ZNF568: variants seen among roughly 807,000 people sequenced by gnomAD.
ZNF568 encodes zinc finger protein 568.
Under a neutral mutation model 18.1 loss-of-function variants are expected in ZNF568, and 11 were observed. That is an observed-to-expected ratio of 0.61 (90% CI 0.38 to 1.00). The LOEUF is 1.00. ZNF568 is among the 50% of genes least tolerant of loss of function. The probability of loss-of-function intolerance (pLI) is 0.01; values close to 1 mark genes in which losing one functional copy is unlikely to be tolerated. For synonymous variants in ZNF568, 213 were observed against 246.6 expected, an observed-to-expected ratio of 0.86 and a Z score of 1.28; for missense variants, 639 against 768.2, an observed-to-expected ratio of 0.83 and a Z score of 1.99.
chr19:36,997,785 C>A (rs765663236), downstream of ZNF568: 3 of 567,918 alleles, frequency 5.3e-6, no homozygotes, highest in East Asian at 8.6e-5. Flanking sequence ...GAAAAAAAAA[C>A]TTATGATTCT....
At chr19:36,942,784 A>C (rs1356546362) in intron 6 of ZNF568, among the ~76,000 whole-genome samples, 1 of 152,018 alleles carries the variant, frequency 6.6e-6, no homozygotes. Flanking sequence ...ATACTACCAT[A>C]TGTATTGCCA....
chr19:36,962,727 T>C (rs1195066980), intron 6 of ZNF568, among the ~76,000 whole-genome samples: 1 of 152,092 alleles, frequency 6.6e-6, no homozygotes, highest in Non-Finnish European at 1.5e-5. Flanking sequence ...CCTTTGTTTA[T>C]GAAGGATAAT....
intron 4 of ZNF568, among the ~76,000 whole-genome samples, chr19:36,929,684 CAAA>C (rs35496094): frequency 1.8e-4 from 21 of 114,540 alleles, no homozygotes; most frequent in Admixed American, 1.8e-4. Context: ...GACTCCGTCT[CAAA>C]AAAAAAAAAA....
chr19:36,926,974 A>AC (rs1490181361), intron 4 of ZNF568, among the ~76,000 whole-genome samples: 1 of 152,202 alleles, frequency 6.6e-6, no homozygotes, highest in Non-Finnish European at 1.5e-5. Context: ...GAAATACAAA[A>AC]GCCAATTACC....
chr19:36,919,179 G>A (rs762211312), intron 2 of ZNF568, among the ~76,000 whole-genome samples: 2 of 152,034 alleles, frequency 1.3e-5, no homozygotes, highest in Non-Finnish European at 2.9e-5. Context: ...TTGTCATAGT[G>A]TTTTCGATAA....
exon 5 of ZNF568, chr19:36,996,455 G>C: frequency 6.5e-7 from 1 of 1,536,378 alleles, no homozygotes; most frequent in Non-Finnish European, 8.7e-7. Context: ...CATCAGGAGG[G>C]ACATTTCAGA....
chr19:36,932,595 G>GA (rs374417319), intron 4 of ZNF568, among the ~76,000 whole-genome samples: 45 of 147,072 alleles, frequency 3.1e-4, no homozygotes, highest in Admixed American at 5.4e-4. Context: ...TCCGTCCCCA[G>GA]AAAAAAAAAA....
At chr19:36,974,187 A>T (rs912726775) in intron 6 of ZNF568, among the ~76,000 whole-genome samples, 4 of 151,998 alleles carry the variant, frequency 2.6e-5, no homozygotes, top group African/African-American at 9.7e-5. Context: ...AAAGTTTCCC[A>T]AGTTAGGCTG....
intron 2 of ZNF568, among the ~76,000 whole-genome samples, chr19:36,988,814 T>C (rs1159033691): frequency 6.6e-6 from 1 of 152,232 alleles, no homozygotes; most frequent in African/African-American, 2.4e-5. Flanking sequence ...GTAGTTAGTG[T>C]ATCTATCACC....
At chr19:36,939,150 T>G (rs1466439652) in intron 6 of ZNF568, among the ~76,000 whole-genome samples, 2 of 152,170 alleles carry the variant, frequency 1.3e-5, no homozygotes, top group Admixed American at 1.3e-4. Flanking sequence ...AAAGAGAGAT[T>G]ATTATTTGCA....
chr19:36,961,086 T>C (rs1047022116), intron 6 of ZNF568, among the ~76,000 whole-genome samples: 5 of 152,174 alleles, frequency 3.3e-5, no homozygotes, highest in African/African-American at 1.2e-4. Context: ...TCTGATTTTT[T>C]AAAACTGTCT....
intron 6 of ZNF568, among the ~76,000 whole-genome samples, chr19:36,943,000 T>A (rs968528431): frequency 6.6e-6 from 1 of 152,218 alleles, no homozygotes; most frequent in African/African-American, 2.4e-5. Context: ...GGGTATAGTT[T>A]GCCAACCCCT....
At chr19:36,921,483 G>T in intron 2 of ZNF568, among the ~76,000 whole-genome samples, 1 of 151,774 alleles carries the variant, frequency 6.6e-6, no homozygotes, top group Non-Finnish European at 1.5e-5. Context: ...GAAAGAAAGT[G>T]ATCACTGTCA....
At chr19:36,925,779 C>T (rs1045317558) in intron 4 of ZNF568, among the ~76,000 whole-genome samples, 1 of 152,024 alleles carries the variant, frequency 6.6e-6, no homozygotes, top group Non-Finnish European at 1.5e-5. Flanking sequence ...ACATAGAAAT[C>T]ACATTATATT....
chr19:36,991,920 TC>T, intron 4 of ZNF568: 1 of 1,202,526 alleles, frequency 8.3e-7, no homozygotes, highest in Non-Finnish European at 1.2e-6. Flanking sequence ...AGGCAGCACT[TC>T]AGGGATTTTG....
intron 2 of ZNF568, among the ~76,000 whole-genome samples, chr19:36,989,545 A>C (rs1393616094): frequency 6.6e-6 from 1 of 152,052 alleles, no homozygotes; most frequent in African/African-American, 2.4e-5. Context: ...TTTATCAGCA[A>C]ACCTCTTAGC....
rs1007026777 is a variant in ZNF568, at chr19:36,951,505, C to T, written c.*417C>T. ...AGCAGATTTTAAAGAATAGAATATC[C>T]AGAAGCAGATTCATGAATATATGTG... On this transcript the variant is annotated 3_prime_UTR_variant, in exon 7 of 7. Coordinates refer to ENST00000333987, the MANE Select transcript of ZNF568 (RefSeq NM_198539.4). The T allele has an allele frequency of 8.5e-5, 13 of 153,262 alleles. No individual in the cohort carries two copies. The highest frequency in any genetic ancestry group is 1.9e-4 in the Non-Finnish European group (13 of 69,070). 9.5% of individuals were successfully genotyped at this position (153,262 alleles called of 1,614,324 possible).
rs140728053 is a variant in ZNF568 at position 36,970,772 on chromosome 19, A to T, written c.359-3648A>T. ...TCAGCTATAACCATCTGGGTATGGT[A>T]CCTTTTTAATTGTACATACTTTAAA... On this transcript the variant is annotated intron_variant, in intron 6 of 7. Transcript: ENST00000427117. Among the ~76,000 whole-genome samples the T allele has an allele frequency of 6.2e-3, 945 of 152,324 alleles. 28 individuals are homozygous for T. Among genetic ancestry groups the T allele is most frequent in the East Asian group, 0.05 (258 of 5,190 alleles).
chr19:36,967,026 A>G (rs2074200002), intron 6 of ZNF568, among the ~76,000 whole-genome samples: 1 of 152,220 alleles, frequency 6.6e-6, no homozygotes, highest in Admixed American at 6.5e-5. Flanking sequence ...CTCAGGCCTA[A>G]GGCCTACAGT....
Sources: allele counts gnomAD v4.1 joint callset (sites outside exome capture counted in the v4.1 genomes callset), GRCh38; gene constraint gnomAD v4.1.1; transcripts MANE v1.5; gene names NCBI Gene and HGNC (gene_info 2026-07-23, HGNC 2026-07-21).